RAF1: variants seen among roughly 807,000 people sequenced by gnomAD.
RAF1 encodes Raf-1 proto-oncogene, serine/threonine kinase.
RAF1 carries 27 observed loss-of-function variants against 81.1 expected under a neutral mutation model. The observed-to-expected ratio is 0.33, with a 90% CI of 0.25 to 0.46. The LOEUF (loss-of-function observed/expected upper bound fraction) is 0.46, where lower values mean the gene tolerates loss of function less well. Among genes scored for constraint, RAF1 ranks in the 20% least tolerant of loss-of-function variants. The probability of loss-of-function intolerance (pLI) is 1.00; values close to 1 mark genes in which losing one functional copy is unlikely to be tolerated. For synonymous variants in RAF1, 298 were observed against 294.0 expected (o/e 1.01, Z -0.14); for missense variants, 598 against 826.0 (o/e 0.72, Z 3.38).
rs144876026 is a variant in RAF1 at position 12,584,547 on chromosome 3, C to T, written c.1974G>A (p.Thr658=). 6.2e-4 allele frequency: 994 copies of T among 1,614,168 alleles called. 16 individuals carry two copies. The South Asian group carries it at 0.01, about 17-fold the overall frequency. ...CAGGCAGCCTCGGGGACGTGGTCAG[C>T]GTGCAAGCATTGATATCCTCAGTGT... The change falls in exon 18 of 18, where the codon ACG becomes ACA. Residue 658 remains threonine, a synonymous_variant. Coordinates refer to ENST00000442415, the MANE Select transcript of RAF1 (RefSeq NM_001354689.3).
intron 11 of RAF1, among the ~76,000 whole-genome samples, chr3:12,593,789 T>C (rs1039007379): frequency 3.2e-4 from 26 of 81,730 alleles, no homozygotes; most frequent in Admixed American, 7.2e-4. Context: ...GTAAATCCTT[T>C]TTTTTTTTTT....
Position 12,608,771 on chromosome 3 carries a change from T to C in RAF1, c.576A>G (p.Gln192=), listed in dbSNP as rs148759910. 2.8e-4 allele frequency: 444 copies of C among 1,613,856 alleles called. No individual in the cohort carries two copies. Among genetic ancestry groups the C allele is most frequent in the Non-Finnish European group, 3.6e-4 (421 of 1,179,932 alleles). ...ATAAAAGAACAATGCCTTACAAGAG[T>C]TGTCTGATGTTACTCCAGTCCACAC... The change falls in exon 5 of 18, where the codon CAA becomes CAG. Residue 192 remains glutamine (Q), a synonymous_variant. Coordinates refer to ENST00000442415, the MANE Select transcript of RAF1 (RefSeq NM_001354689.3).
intron 1 of RAF1, among the ~76,000 whole-genome samples, chr3:12,648,843 G>A (rs980902068): frequency 1.3e-5 from 2 of 152,156 alleles, no homozygotes; most frequent in South Asian, 2.1e-4. Flanking sequence ...GGCCGGATGC[G>A]GTGGCTCACG....
chr3:12,618,765 T>C lies in RAF1; in HGVS notation c.-26-18A>G, dbSNP rs138603090. ...TCTTAAACCTGGTAAGAAACACAAA[T>C]AATTGTAACTCTAGAACAAAAGTAT... On this transcript the variant is annotated intron_variant, in intron 1 of 17. Transcript: ENST00000442415. 425 of 1,577,726 alleles carry C rather than the reference T, an allele frequency of 2.7e-4. 7 individuals are homozygous for C. The East Asian group carries it at 9.4e-3, about 35-fold the overall frequency.
At position 12,650,145 on chromosome 3, in the gene RAF1, CAAAAAAAAAAAAAAAA is replaced by C. The variant is rs36098034; in HGVS notation, c.-27+13652_-27+13667del. ...CGGGAGACAGTGCGAGACTCCATCTCAAAAAAAAAAAAAAAAAAAAAAAAAAAAATTTAATCAGGCA... is the reference window on the plus strand; with the variant it reads ...CGGGAGACAGTGCGAGACTCCATCTCAAAAAAAAAAAAATTTAATCAGGCA... On this transcript the variant is annotated intron_variant, in intron 1 of 17. Transcript: ENST00000442415. 3.0e-3 allele frequency among the ~76,000 whole-genome samples: 231 copies of C among 76,984 alleles called. 1 individual carries two copies. Among genetic ancestry groups the C allele is most frequent in the South Asian group, 0.022 (31 of 1,396 alleles). 50.5% of individuals were successfully genotyped at this position (76,984 alleles called of 152,430 possible).
chr3:12,611,767 G>A (rs537120811), intron 3 of RAF1, among the ~76,000 whole-genome samples, 183 bp downstream of exon 3: 35 of 152,154 alleles, frequency 2.3e-4, no homozygotes, highest in Non-Finnish European at 4.1e-4. Context: ...CTTTTCAAGA[G>A]AATGTCCAAG....
chr3:12,600,048 T>C (rs1264747375), intron 10 of RAF1, 104 bp downstream of exon 9: 4 of 1,537,212 alleles, frequency 2.6e-6, no homozygotes, highest in East Asian at 2.2e-5. Flanking sequence ...ATTGAATGTA[T>C]TTTATTAGAA....
chr3:12,618,448 A>G, intron 2 of RAF1, 67 bp downstream of exon 2: 1 of 1,546,178 alleles, frequency 6.5e-7, no homozygotes, highest in Non-Finnish European at 8.9e-7. Flanking sequence ...TTTAAGTTGA[A>G]CATGATCCTT....
chr3:12,653,355 T>C (rs571905556), intron 1 of RAF1, among the ~76,000 whole-genome samples: 2 of 152,286 alleles, frequency 1.3e-5, no homozygotes, highest in South Asian at 4.1e-4. Flanking sequence ...TCTATTGCAG[T>C]GAACTCAAGT....
chr3:12,611,846 A>G, intron 3 of RAF1, 104 bp downstream of exon 3: 1 of 853,412 alleles, frequency 1.2e-6, no homozygotes, highest in Non-Finnish European at 2.0e-6. Flanking sequence ...ATAGAAATAT[A>G]CAATATTCTA....
At chr3:12,658,709 C>T (rs771965637) in intron 1 of RAF1, among the ~76,000 whole-genome samples, 1 of 152,176 alleles carries the variant, frequency 6.6e-6, no homozygotes, top group South Asian at 2.1e-4. Flanking sequence ...ATTTTAAAAC[C>T]GTAAACTAGC....
rs1437935177 is a variant in RAF1, at chr3:12,603,498, G to A, written c.874C>T (p.Arg292Ter). 1.0e-5 allele frequency: 7 copies of A among 700,932 alleles called. No individual in the cohort carries two copies. Among genetic ancestry groups the A allele is most frequent in the Admixed American group, 2.0e-5 (1 of 49,820 alleles). The allele number at this position is 700,932 out of a possible 1,614,324, so 43.4% of individuals were successfully genotyped here. A position where few individuals can be genotyped will look rare whatever the true frequency, so the allele number is the denominator to read the frequency against. The change falls in exon 8 of 18, where the codon CGA becomes TGA. Residue 292 changes from arginine (R) to a stop codon, truncating the protein, a stop_gained. Coordinates refer to ENST00000442415, the MANE Select transcript of RAF1 (RefSeq NM_001354689.3). LOFTEE classifies it high-confidence loss of function. ...CCTACTCTTCCCCTCAAACAAAATC[G>A]TCTGGACCACGCCCTGGGAGAAGCA...
intron 1 of RAF1, among the ~76,000 whole-genome samples, chr3:12,621,845 CTTTAATATTAA>C (rs1479159422): frequency 6.6e-6 from 1 of 152,038 alleles, no homozygotes; most frequent in Non-Finnish European, 1.5e-5. Context: ...AGTCTGAACC[CTTTAATATTAA>C]TCTACAAAGA....
At chr3:12,651,415 C>T (rs2060521174) in intron 1 of RAF1, among the ~76,000 whole-genome samples, 1 of 152,122 alleles carries the variant, frequency 6.6e-6, no homozygotes, top group South Asian at 2.1e-4. Flanking sequence ...GGGTGGATCA[C>T]CTGAGGTCCA....
chr3:12,657,328 C>T (rs947597383), intron 1 of RAF1, among the ~76,000 whole-genome samples: 25 of 152,200 alleles, frequency 1.6e-4, no homozygotes, highest in Non-Finnish European at 2.8e-4. Context: ...TAAGAATTCA[C>T]ATTTCCCTCT....
intron 8 of RAF1, among the ~76,000 whole-genome samples, chr3:12,600,845 A>T (rs1034820081): frequency 6.6e-6 from 1 of 152,224 alleles, no homozygotes; most frequent in African/African-American, 2.4e-5. Flanking sequence ...TACAGGCGTG[A>T]GCCACCGTGC....
intron 3 of RAF1, among the ~76,000 whole-genome samples, chr3:12,609,586 C>T (rs2059147125): frequency 6.6e-6 from 1 of 152,176 alleles, no homozygotes. Context: ...ATGTTGGAAT[C>T]TAGGTCTGTT....
chr3:12,590,350 TC>T (rs2058472837), intron 13 of RAF1: 1 of 11,720 alleles, frequency 8.5e-5, no homozygotes, highest in African/African-American at 1.5e-3. Flanking sequence ...TGAGACAGAG[TC>T]TCGCTTCTGC....
chr3:12,591,913 G>T, intron 11 of RAF1, 121 bp from the exon 11 acceptor site: 2 of 818,974 alleles, frequency 2.4e-6, no homozygotes, highest in Admixed American at 2.1e-5. Flanking sequence ...ACACAGATAC[G>T]GCAAATTTCC....
Sources: gnomAD v4.1 joint callset for allele counts (sites outside exome capture counted in the v4.1 genomes callset) on GRCh38, gnomAD v4.1.1 for gene constraint, MANE v1.5 for transcripts, NCBI Gene and HGNC (gene_info 2026-07-23, HGNC 2026-07-21) for gene names.